The following CNTN1 variants were observed in gnomAD, a reference collection of about 807,000 sequenced individuals.
CNTN1 encodes the protein contactin-1.
A neutral mutation model predicts 126.4 loss-of-function variants in CNTN1; 38 were observed. The observed-to-expected ratio is 0.30, with a 90% CI of 0.23 to 0.39. The LOEUF is 0.39. CNTN1 is among the 10% of genes least tolerant of loss of function. The probability of loss-of-function intolerance (pLI) is 1.00; values close to 1 mark genes in which losing one functional copy is unlikely to be tolerated. For missense variants in CNTN1, 1,009 were observed against 1,248.4 expected (o/e 0.81, Z 2.89); for synonymous variants, 413 against 422.6 (o/e 0.98, Z 0.28).
At chr12:41,066,764 T>G (rs960526502) in intron 23 of CNTN1, among the ~76,000 whole-genome samples, 1 of 152,176 alleles carries the variant, frequency 6.6e-6, no homozygotes, top group Admixed American at 6.5e-5. Flanking sequence ...AACTTTTAAT[T>G]GAAATGTCTG....
At chr12:40,797,084 C>A (rs923090094) in intron 1 of CNTN1, among the ~76,000 whole-genome samples, 13 of 151,968 alleles carry the variant, frequency 8.6e-5, no homozygotes, top group Non-Finnish European at 1.5e-5. Context: ...GGTGCATTCA[C>A]CTATTGATTC....
chr12:40,916,846 G>A (rs1165817149), intron 3 of CNTN1, among the ~76,000 whole-genome samples: 1 of 151,928 alleles, frequency 6.6e-6, no homozygotes, highest in Non-Finnish European at 1.5e-5. Context: ...AAAGTTCATG[G>A]CAGGAGCTAA....
chr12:40,867,125 C>T (rs993412278), intron 1 of CNTN1, among the ~76,000 whole-genome samples: 1 of 152,106 alleles, frequency 6.6e-6, no homozygotes, highest in Non-Finnish European at 1.5e-5. Flanking sequence ...ATCTCTTTTC[C>T]ACATTTAATG....
At chr12:41,007,673 G>A (rs1020811951) in intron 17 of CNTN1, among the ~76,000 whole-genome samples, 2 of 152,162 alleles carry the variant, frequency 1.3e-5, no homozygotes, top group Admixed American at 1.3e-4. Context: ...GTTTGATCAG[G>A]TATGACGTTC....
chr12:40,761,383 A>G lies in CNTN1; in HGVS notation c.-77+68791A>G, dbSNP rs192103813. Among the ~76,000 whole-genome samples, 75 of 152,182 alleles carry G rather than the reference A, an allele frequency of 4.9e-4. No homozygotes were observed. The East Asian group carries it at 5.2e-3, about 11-fold the overall frequency. On this transcript the variant is annotated intron_variant, in intron 1 of 23. Transcript: ENST00000551295. ...TATAATAAGATTTGTTCTTCTACCA[A>G]TCTTCACTGGAGCACTTCTGTTCTT... is the stretch of plus-strand genomic sequence containing the variant.
At chr12:40,875,729 G>GT (rs1943647027) in intron 1 of CNTN1, among the ~76,000 whole-genome samples, 1 of 152,058 alleles carries the variant, frequency 6.6e-6, no homozygotes, top group Non-Finnish European at 1.5e-5. Flanking sequence ...ATCATGGTAT[G>GT]TAAGTACCAC....
chr12:40,899,270 G>A (rs1944522058), intron 1 of CNTN1, among the ~76,000 whole-genome samples: 1 of 152,170 alleles, frequency 6.6e-6, no homozygotes, highest in South Asian at 2.1e-4. Flanking sequence ...TTCTTTTGTA[G>A]TAGTCTACCA....
intron 15 of CNTN1, 37 bp downstream of exon 15, chr12:40,959,271 A>T: frequency 1.2e-6 from 2 of 1,608,192 alleles, no homozygotes; most frequent in Non-Finnish European, 1.7e-6. Context: ...CAAAACCAAA[A>T]GTATTTGACT....
At chr12:40,742,218 A>G (rs1937973284) in intron 1 of CNTN1, 1 of 152,114 alleles carries the variant, frequency 6.6e-6, no homozygotes, top group African/African-American at 2.4e-5. Flanking sequence ...GAACTTCAGG[A>G]AAGTTTCATT....
chr12:40,794,170 A>G (rs768813328), intron 1 of CNTN1, among the ~76,000 whole-genome samples: 3 of 152,136 alleles, frequency 2.0e-5, no homozygotes, highest in Non-Finnish European at 2.9e-5. Flanking sequence ...AGCACTTTGC[A>G]TGAATATTTT....
chr12:40,771,219 T>G (rs1939324196), intron 1 of CNTN1, among the ~76,000 whole-genome samples: 1 of 152,112 alleles, frequency 6.6e-6, no homozygotes, highest in Non-Finnish European at 1.5e-5. Context: ...GAAAGCTTGT[T>G]GAATTAGGAT....
At chr12:40,974,255 G>A (rs948751023) in intron 15 of CNTN1, among the ~76,000 whole-genome samples, 1 of 152,034 alleles carries the variant, frequency 6.6e-6, no homozygotes, top group Non-Finnish European at 1.5e-5. Flanking sequence ...TATTGAATAT[G>A]AATTTATAAA....
In CNTN1 at chr12:40,707,360, T is replaced by C. The variant is rs1173413398; in HGVS notation, c.-77+14768T>C. Among the ~76,000 whole-genome samples, 3 of 150,592 alleles carry C rather than the reference T, an allele frequency of 2.0e-5. No homozygotes were observed. In the South Asian group the frequency reaches 6.3e-4, roughly 32 times the overall value. Reference sequence around the variant, plus strand: ...GCCTCCTGGGTTCGCGCCATTCTCCTGCCTCAGCCTCCCGAGTAGCTGGGA... The same window carrying C: ...GCCTCCTGGGTTCGCGCCATTCTCCCGCCTCAGCCTCCCGAGTAGCTGGGA... On this transcript the variant is annotated intron_variant, in intron 1 of 23. Coordinates refer to ENST00000551295, the MANE Select transcript of CNTN1 (RefSeq NM_001843.4).
chr12:41,007,970 C>G (rs993884488), intron 17 of CNTN1, among the ~76,000 whole-genome samples: 1 of 152,222 alleles, frequency 6.6e-6, no homozygotes, highest in Non-Finnish European at 1.5e-5. Context: ...ACCAAGGACT[C>G]TCATTCAGTT....
intron 1 of CNTN1, among the ~76,000 whole-genome samples, chr12:40,823,149 A>G (rs1440167631): frequency 6.6e-6 from 1 of 152,164 alleles, no homozygotes. Context: ...TCTTTTCCAT[A>G]TTATAATTTT....
intron 15 of CNTN1, among the ~76,000 whole-genome samples, chr12:40,980,448 CAAAA>C (rs5797694): frequency 7.8e-6 from 1 of 128,598 alleles, no homozygotes. Flanking sequence ...GACCCTAACT[CAAAA>C]AAAAAAAAAA....
At chr12:40,836,503 G>A (rs1942065570) in intron 1 of CNTN1, among the ~76,000 whole-genome samples, 1 of 151,804 alleles carries the variant, frequency 6.6e-6, no homozygotes, top group Non-Finnish European at 1.5e-5. Context: ...GTTGCCATGG[G>A]CAAAACAGTC....
At chr12:40,875,738 A>T (rs995516167) in intron 1 of CNTN1, among the ~76,000 whole-genome samples, 3 of 152,116 alleles carry the variant, frequency 2.0e-5, no homozygotes, top group African/African-American at 7.2e-5. Context: ...TGTAAGTACC[A>T]CAGTTGGTTT....
At chr12:40,864,799 A>C (rs999345283) in intron 1 of CNTN1, among the ~76,000 whole-genome samples, 1 of 152,156 alleles carries the variant, frequency 6.6e-6, no homozygotes, top group Non-Finnish European at 1.5e-5. Context: ...AGCAATGACT[A>C]TCTGTAAGTT....
Sources: allele counts gnomAD v4.1 joint callset (sites outside exome capture counted in the v4.1 genomes callset), GRCh38; gene constraint gnomAD v4.1.1; transcripts MANE v1.5; gene names NCBI Gene and HGNC (gene_info 2026-07-23, HGNC 2026-07-21).